The following RPS6KA2 variants were observed in gnomAD, a reference collection of about 807,000 sequenced individuals.
The protein encoded by RPS6KA2 is ribosomal protein S6 kinase alpha-2.
A neutral mutation model predicts 91.8 loss-of-function variants in RPS6KA2; 42 were observed. The observed-to-expected ratio is 0.46, with a 90% CI of 0.36 to 0.59. The LOEUF is 0.59. RPS6KA2 is among the 20% of genes least tolerant of loss of function. RPS6KA2 has a pLI of 0.00. For synonymous variants in RPS6KA2, 414 were observed against 393.6 expected (o/e 1.05, Z -0.61); for missense variants, 798 against 978.5 (o/e 0.82, Z 2.46).
chr6:166,477,709 G>A (rs369784117), intron 10 of RPS6KA2, among the ~76,000 whole-genome samples: 19 of 152,264 alleles, frequency 1.2e-4, no homozygotes, highest in East Asian at 1.2e-3. Flanking sequence ...CCAGGAGTTC[G>A]AGACCAGCCT....
intron 2 of RPS6KA2, among the ~76,000 whole-genome samples, chr6:166,748,800 C>T (rs1180707933): frequency 0.019 from 1 of 54 alleles, no homozygotes; most frequent in Non-Finnish European, 0.023. Context: ...AGGCCCCCAT[C>T]TCTCAGGCCC....
chr6:166,506,105 C>G (rs970138461), intron 5 of RPS6KA2, among the ~76,000 whole-genome samples: 1 of 151,800 alleles, frequency 6.6e-6, no homozygotes, highest in Non-Finnish European at 1.5e-5. Flanking sequence ...TGCTAAATGA[C>G]GACCCAAGGT....
chr6:166,631,152 T>A (rs1419742035), upstream of RPS6KA2, among the ~76,000 whole-genome samples: 1 of 152,148 alleles, frequency 6.6e-6, no homozygotes, highest in African/African-American at 2.4e-5. Flanking sequence ...TCTGAGCATA[T>A]CGAAAATTTA....
intron 2 of RPS6KA2, among the ~76,000 whole-genome samples, chr6:166,811,727 A>T (rs1779643997): frequency 6.6e-6 from 1 of 152,216 alleles, no homozygotes. Context: ...TAAGTTCAAA[A>T]CAGTATTTTT....
chr6:166,431,614 C>A (rs942857098), intron 15 of RPS6KA2, among the ~76,000 whole-genome samples: 2 of 152,062 alleles, frequency 1.3e-5, no homozygotes, highest in African/African-American at 4.8e-5. Flanking sequence ...TCTGATTATT[C>A]TTTTTATGTT....
intron 2 of RPS6KA2, among the ~76,000 whole-genome samples, chr6:166,806,602 C>T (rs845666): frequency 0.48 from 72,568 of 152,000 alleles, 18,944 homozygotes; most frequent in Non-Finnish European, 0.6. Context: ...AGTTTGTTAT[C>T]ATGAGACCTG....
chr6:166,579,054 G>T (rs571008112), intron 1 of RPS6KA2, among the ~76,000 whole-genome samples: 1 of 152,148 alleles, frequency 6.6e-6, no homozygotes, highest in South Asian at 2.1e-4. Flanking sequence ...CATGGAAAAC[G>T]GAGGATCAGT....
intron 2 of RPS6KA2, among the ~76,000 whole-genome samples, chr6:166,813,195 C>T (rs1203075043): frequency 1.3e-5 from 2 of 152,018 alleles, no homozygotes; most frequent in Admixed American, 1.3e-4. Flanking sequence ...CACAGGCCTG[C>T]ATTTAACAAG....
In RPS6KA2 at chr6:166,760,486, C is replaced by T. The variant is rs139649269; in HGVS notation, c.123+97714G>A. 1.6e-3 allele frequency among the ~76,000 whole-genome samples: 246 copies of T among 152,284 alleles called. 2 individuals are homozygous for T. The highest frequency in any genetic ancestry group is 4.4e-3 in the South Asian group (21 of 4,820). ...ATCATCGCACAGAGTATGTGGGCAC[C>T]GCCCCCACCCCCATCGCGGTCTGGT... On this transcript the variant is annotated intron_variant, in intron 2 of 21. Coordinates refer to the RPS6KA2 transcript ENST00000503859.
chr6:166,799,597 T>C (rs1396111719), intron 2 of RPS6KA2, among the ~76,000 whole-genome samples: 3 of 89,098 alleles, frequency 3.4e-5, no homozygotes, highest in African/African-American at 1.3e-4. Context: ...TTCATGTTTT[T>C]TTTTTTTTTA....
intron 2 of RPS6KA2, among the ~76,000 whole-genome samples, chr6:166,659,950 G>A (rs1386957542): frequency 6.6e-6 from 1 of 151,318 alleles, no homozygotes; most frequent in African/African-American, 2.4e-5. Flanking sequence ...TTAGACACAA[G>A]GTCTCTATGT....
At chr6:166,531,922 T>C (rs535208414) in intron 2 of RPS6KA2, among the ~76,000 whole-genome samples, 57 of 152,304 alleles carry the variant, frequency 3.7e-4, no homozygotes, top group African/African-American at 1.3e-3. Context: ...TGAGTTTAAA[T>C]TTGTATTAGT....
intron 2 of RPS6KA2, chr6:166,701,837 C>T (rs1789530011): frequency 2.6e-5 from 23 of 896,546 alleles, no homozygotes; most frequent in South Asian, 1.4e-5. Flanking sequence ...CTCAACATTG[C>T]CTTTAGCTGT....
At chr6:166,623,634 G>T (rs1786727111) in intron 1 of RPS6KA2, among the ~76,000 whole-genome samples, 1 of 152,218 alleles carries the variant, frequency 6.6e-6, no homozygotes, top group Non-Finnish European at 1.5e-5. Context: ...TGAATGAGAT[G>T]CAGGTTACTC....
chr6:166,645,069 T>C (rs1392901956), intron 2 of RPS6KA2, among the ~76,000 whole-genome samples: 1 of 152,194 alleles, frequency 6.6e-6, no homozygotes, highest in Non-Finnish European at 1.5e-5. Context: ...TCTCCAAAAC[T>C]GTGGGAGGAC....
At chr6:166,506,404 A>C (rs566836034) in intron 5 of RPS6KA2, among the ~76,000 whole-genome samples, 1 of 152,322 alleles carries the variant, frequency 6.6e-6, no homozygotes, top group East Asian at 1.9e-4. Context: ...ACTGGACCCC[A>C]AATGGACTGA....
chr6:166,755,969 C>T (rs558343809), intron 2 of RPS6KA2, among the ~76,000 whole-genome samples: 7 of 152,224 alleles, frequency 4.6e-5, no homozygotes, highest in Admixed American at 1.3e-4. Flanking sequence ...AACTTTCATT[C>T]ACATTATATA....
At chr6:166,681,971 G>A (rs997247118) in intron 2 of RPS6KA2, among the ~76,000 whole-genome samples, 1 of 152,072 alleles carries the variant, frequency 6.6e-6, no homozygotes, top group Non-Finnish European at 1.5e-5. Context: ...AGACAGCTTA[G>A]GTTTAAGTCT....
intron 2 of RPS6KA2, among the ~76,000 whole-genome samples, chr6:166,535,546 GT>G (rs1209414059): frequency 6.6e-6 from 1 of 152,206 alleles, no homozygotes; most frequent in Non-Finnish European, 1.5e-5. Flanking sequence ...AGGAAAAGAG[GT>G]TTCCTATCCT....
Sources: gnomAD v4.1 joint callset for allele counts (sites outside exome capture counted in the v4.1 genomes callset) on GRCh38, gnomAD v4.1.1 for gene constraint, MANE v1.5 for transcripts, NCBI Gene and HGNC (gene_info 2026-07-23, HGNC 2026-07-21) for gene names.